The following MROH2A variants were observed in gnomAD, a reference collection of about 807,000 sequenced individuals.
MROH2A encodes the protein maestro heat like repeat family member 2A, also known as maestro heat-like repeat-containing protein family member 2A.
A neutral mutation model predicts 200.4 loss-of-function variants in MROH2A; 174 were observed. The observed-to-expected ratio is 0.87, with a 90% CI of 0.77 to 0.98. MROH2A has a LOEUF of 0.98. MROH2A is among the 50% of genes least tolerant of loss of function. MROH2A has a pLI of 0.00. For missense variants in MROH2A, 2,045 were observed against 2,139.6 expected (o/e 0.96, Z 0.87); for synonymous variants, 829 against 840.4 (o/e 0.99, Z 0.23).
At chr2:233,785,663 G>C (rs1701170154) in intron 3 of MROH2A, among the ~76,000 whole-genome samples, 1 of 152,026 alleles carries the variant, frequency 6.6e-6, no homozygotes, top group South Asian at 2.1e-4. Context: ...AGAAGGCTTA[G>C]AATTAGCTAA....
At chr2:233,790,571 TCCTTCCTC>T (rs1701671113) in intron 5 of MROH2A, among the ~76,000 whole-genome samples, 1 of 16,884 alleles carries the variant, frequency 5.9e-5, no homozygotes, top group Non-Finnish European at 9.3e-5. Context: ...CTTCCTTCCT[TCCTTCCTC>T]CCTCCCCTCC....
At chr2:233,832,789 G>A in intron 41 of MROH2A, 145 bp downstream of exon 41, 1 of 651,822 alleles carries the variant, frequency 1.5e-6, no homozygotes. Context: ...GCAGAGAGAT[G>A]CACCTGGGGA....
rs552662147 is a variant in MROH2A at position 233,809,131 on chromosome 2, C to T, written c.2301C>T (p.Asp767=). The T allele has an allele frequency of 1.3e-6, 2 of 1,548,818 alleles. No individual in the cohort carries two copies. Among genetic ancestry groups the T allele is most frequent in the East Asian group, 4.9e-5 (2 of 40,836 alleles). ...TTTTCTCTTTGGCCTCGTAGAAGGA[C>T]CATCCCTGGAGGCGGGAGACAGTGA... The part of the protein sequence containing the change: ...QSWQISAWRK[D]HPWRRETVKS... Residue 767 remains aspartate (D), a synonymous_variant, in exon 22 of 42, where the codon GAC becomes GAT. Coordinates refer to ENST00000389758, the MANE Select transcript of MROH2A (RefSeq NM_001394639.1).
Position 233,795,966 on chromosome 2 carries a change from G to A in MROH2A, c.1060-1G>A. ...CAGCCTCACTGCACGTCCCTCACCA[G>A]GTGTGCAACAAGGCCCCGGCCCAGC... On this transcript the variant is annotated splice_acceptor_variant, in intron 9 of 41. Coordinates refer to ENST00000389758, the MANE Select transcript of MROH2A (RefSeq NM_001394639.1). LOFTEE classifies it high-confidence loss of function. 1.3e-6 allele frequency: 2 copies of A among 1,550,562 alleles called. No homozygotes were observed. Among genetic ancestry groups the A allele is most frequent in the South Asian group, 2.4e-5 (2 of 84,054 alleles).
At position 233,807,813 on chromosome 2, in the gene MROH2A, G is replaced by C. The variant is rs1475574224; in HGVS notation, c.2253G>C (p.Arg751Ser). Residue 751 changes from arginine (R) to serine (S), a missense_variant, in exon 21 of 42, where the codon AGG (arginine) becomes AGC (serine). Coordinates refer to ENST00000389758, the MANE Select transcript of MROH2A (RefSeq NM_001394639.1). This position sits in a 1 kb window ranked among gnomAD's most constrained non-coding sequence, Gnocchi z 4.3. ...VLNVLHDFEE[R>S]IQESEQSWQI... Reference sequence around the variant, plus strand: ...ATGTGCTTCATGACTTCGAGGAGAGGATCCAGGAGTCAGAGCAGTCCTGGC... The same window carrying C: ...ATGTGCTTCATGACTTCGAGGAGAGCATCCAGGAGTCAGAGCAGTCCTGGC... 1.3e-6 allele frequency: 2 copies of C among 1,550,854 alleles called. No homozygotes were observed. Among genetic ancestry groups the C allele is most frequent in the Non-Finnish European group, 1.7e-6 (2 of 1,147,076 alleles).
chr2:233,829,949 G>C (rs988245943), intron 38 of MROH2A, among the ~76,000 whole-genome samples, 174 bp downstream of exon 38: 1 of 152,052 alleles, frequency 6.6e-6, no homozygotes, highest in Non-Finnish European at 1.5e-5. Context: ...CCTCACACAG[G>C]CTGAGGAGAG....
upstream of MROH2A, among the ~76,000 whole-genome samples, chr2:233,776,555 G>T (rs867928378): frequency 6.6e-6 from 1 of 151,550 alleles, no homozygotes; most frequent in Admixed American, 6.6e-5. Context: ...TAGAGACAGC[G>T]TTTCCCCATG....
At chr2:233,825,795 C>T (rs1160019298) in intron 35 of MROH2A, among the ~76,000 whole-genome samples, 1 of 151,904 alleles carries the variant, frequency 6.6e-6, no homozygotes. Context: ...TGTTGTATCT[C>T]TGCCTGGTTT....
At chr2:233,797,342 T>C (rs756049184) in intron 11 of MROH2A, among the ~76,000 whole-genome samples, 3 of 152,196 alleles carry the variant, frequency 2.0e-5, no homozygotes, top group Non-Finnish European at 2.9e-5. Flanking sequence ...CCAAAAGTAA[T>C]TGGACAAAGG....
intron 24 of MROH2A, among the ~76,000 whole-genome samples, chr2:233,812,342 C>T (rs1231594106): frequency 6.6e-6 from 1 of 152,160 alleles, no homozygotes; most frequent in Non-Finnish European, 1.5e-5. Flanking sequence ...TTGTTGATAC[C>T]ACTGGTACAA....
At position 233,828,024 on chromosome 2, in the gene MROH2A, G is replaced by A. The variant is rs1040863054; in HGVS notation, c.4114-606G>A. 1.5e-4 allele frequency among the ~76,000 whole-genome samples: 23 copies of A among 152,264 alleles called. No individual in the cohort carries two copies. The highest frequency in any genetic ancestry group is 5.5e-4 in the African/African-American group (23 of 41,544). On this transcript the variant is annotated intron_variant, in intron 35 of 41. Transcript: ENST00000389758. This position sits in a 1 kb window ranked among gnomAD's most constrained non-coding sequence, Gnocchi z 4.6. Reference sequence around the variant, plus strand: ...CTGGGACAGGCTGGAGGTGGACTGAGGTGGAGACAAAACATTTGGAAGCTT... The same window carrying A: ...CTGGGACAGGCTGGAGGTGGACTGAAGTGGAGACAAAACATTTGGAAGCTT...
chr2:233,814,741 GGCCAGACTCTGGGGAACAGGGGAGTGCAT>G (rs1703400696), intron 26 of MROH2A, 64 bp downstream of exon 26: 8 of 1,142,600 alleles, frequency 7.0e-6, no homozygotes, highest in Non-Finnish European at 1.0e-5. Context: ...CTGGACTGAG[GGCCAGACTCTGGGGAACAGGGGAGTGCAT>G]GCAACATTGT....
intron 3 of MROH2A, among the ~76,000 whole-genome samples, chr2:233,788,926 G>A (rs28899487): frequency 0.018 from 2,015 of 114,690 alleles, 57 homozygotes; most frequent in African/African-American, 0.064. Context: ...GCGGCAGAGC[G>A]AGACTCCGTC....
At chr2:233,826,139 G>A (rs1418234963) in intron 35 of MROH2A, among the ~76,000 whole-genome samples, 1 of 151,966 alleles carries the variant, frequency 6.6e-6, no homozygotes, top group Non-Finnish European at 1.5e-5. Context: ...TGGCCAGGAT[G>A]GTCTCGATCT....
rs1274925532 is a variant in MROH2A at position 233,779,747 on chromosome 2, C to G, written c.171C>G (p.Gly57=). The G allele has an allele frequency of 3.9e-6, 6 of 1,550,948 alleles. No homozygotes were observed. Among genetic ancestry groups the G allele is most frequent in the Non-Finnish European group, 4.4e-6 (5 of 1,147,112 alleles). Residue 57 remains glycine (G), a synonymous_variant, in exon 3 of 42, where the codon GGC becomes GGG. Transcript: ENST00000389758. ...ESAKTDTTGA[G]LDMRKTLASV... is the part of the protein sequence containing the mutation. Reference sequence around the variant, plus strand: ...CAAAGACGGACACAACAGGGGCAGGCCTTGACATGCGGAAGACCCTGGCCT... The same window carrying G: ...CAAAGACGGACACAACAGGGGCAGGGCTTGACATGCGGAAGACCCTGGCCT...
intron 31 of MROH2A, 58 bp from the exon 32 acceptor site, chr2:233,822,066 T>C: frequency 1.3e-6 from 2 of 1,504,786 alleles, no homozygotes; most frequent in Non-Finnish European, 8.9e-7. Context: ...AAAGGGATTC[T>C]TACCTGCCAG....
At chr2:233,826,950 A>T (rs1056122306) in intron 35 of MROH2A, among the ~76,000 whole-genome samples, 11 of 152,242 alleles carry the variant, frequency 7.2e-5, no homozygotes, top group African/African-American at 2.4e-4. Context: ...ACACTCATGC[A>T]GCGAATAAAC....
At chr2:233,779,490 T>C in intron 2 of MROH2A, 38 bp downstream of exon 2, 2 of 1,479,274 alleles carry the variant, frequency 1.4e-6, no homozygotes, top group Non-Finnish European at 1.8e-6. Context: ...TCCTGCCCCA[T>C]CTCAGACACT....
chr2:233,833,186 C>T lies in MROH2A; in HGVS notation c.4952C>T (p.Ala1651Val). Reference protein sequence around the residue: ...LDPDPGVRRAALETLTVLDSC... With the variant: ...LDPDPGVRRAVLETLTVLDSC... ...CCGGATCCCGGGGTCAGGAGGGCAG[C>T]CCTGGAGACGCTCACAGTCTTGGAT... Residue 1651 changes from alanine to valine, a missense_variant, in exon 42 of 42, where the codon GCC (alanine) becomes GTC (valine). Transcript: ENST00000389758. The T allele has an allele frequency of 6.4e-7, 1 of 1,550,470 alleles. No homozygotes were observed. Among genetic ancestry groups the T allele is most frequent in the Non-Finnish European group, 8.7e-7 (1 of 1,146,946 alleles).
Sources: allele counts gnomAD v4.1 joint callset (sites outside exome capture counted in the v4.1 genomes callset), GRCh38; gene constraint gnomAD v4.1.1; non-coding constraint Gnocchi (gnomAD v3.1); transcripts MANE v1.5; gene names NCBI Gene and HGNC (gene_info 2026-07-23, HGNC 2026-07-21).